Variants in HCN1 observed in about 807,000 individuals in gnomAD.
HCN1 encodes potassium/sodium hyperpolarization-activated cyclic nucleotide-gated channel 1.
A neutral mutation model predicts 78.9 loss-of-function variants in HCN1; 13 were observed. The ratio of observed to expected loss-of-function variants is 0.16; its 90% CI spans 0.11 to 0.26. HCN1 has a LOEUF of 0.26. Ranked by LOEUF, HCN1 falls within the 10% of genes least tolerant of loss-of-function variation. The pLI is 1.00. For missense variants in HCN1, 810 were observed against 1,154.3 expected (o/e 0.70, Z 4.32); for synonymous variants, 552 against 455.5 (o/e 1.21, Z -2.70).
intron 6 of HCN1, among the ~76,000 whole-genome samples, chr5:45,296,599 G>A (rs1246965306): frequency 1.3e-5 from 2 of 151,674 alleles, no homozygotes; most frequent in Admixed American, 6.6e-5. Context: ...AAAGCACAAC[G>A]ACTAAGAATA....
chr5:45,292,602 AT>A (rs1311984684), intron 6 of HCN1, among the ~76,000 whole-genome samples: 2 of 152,004 alleles, frequency 1.3e-5, no homozygotes, highest in Non-Finnish European at 2.9e-5. Context: ...TTAAGTTTAG[AT>A]TGTACTTTAT....
chr5:45,568,446 T>A (rs2111897117), intron 2 of HCN1, among the ~76,000 whole-genome samples: 1 of 152,178 alleles, frequency 6.6e-6, no homozygotes, highest in South Asian at 2.1e-4. Flanking sequence ...ATAGAACTGG[T>A]CCCAGAATAA....
At chr5:45,664,880 A>C (rs536403907) in intron 1 of HCN1, among the ~76,000 whole-genome samples, 17 of 152,012 alleles carry the variant, frequency 1.1e-4, no homozygotes, top group Non-Finnish European at 2.4e-4. Flanking sequence ...CCATTGTGGA[A>C]GTCAGTGTGG....
chr5:45,548,078 A>T (rs533341834), intron 2 of HCN1, among the ~76,000 whole-genome samples: 1 of 151,908 alleles, frequency 6.6e-6, no homozygotes, highest in Non-Finnish European at 1.5e-5. Context: ...AAGTAGTAAA[A>T]TATCATAAGC....
In HCN1 at chr5:45,568,196, T is replaced by C. The variant is rs370992793; in HGVS notation, c.849+76989A>G. 2.0e-5 allele frequency among the ~76,000 whole-genome samples: 3 copies of C among 152,090 alleles called. No homozygotes were observed. The South Asian group carries it at 6.2e-4, about 32-fold the overall frequency. ...GTATTTTCTCTTTCTTGAGCAAATG[T>C]TACGATCATCAGATTAAAAAATCCA... is the stretch of plus-strand genomic sequence containing the variant. On this transcript the variant is annotated intron_variant, in intron 2 of 7. Transcript: ENST00000303230.
At chr5:45,631,746 G>A (rs1561226351) in intron 2 of HCN1, among the ~76,000 whole-genome samples, 1 of 152,068 alleles carries the variant, frequency 6.6e-6, no homozygotes. Context: ...TTGCATGACA[G>A]AGCTATGAGG....
At chr5:45,589,973 A>G (rs1001444580) in intron 2 of HCN1, among the ~76,000 whole-genome samples, 1 of 152,166 alleles carries the variant, frequency 6.6e-6, no homozygotes, top group Non-Finnish European at 1.5e-5. Flanking sequence ...GAAAATGTCA[A>G]TCAGTCATCA....
chr5:45,577,600 T>C (rs1271797925), intron 2 of HCN1, among the ~76,000 whole-genome samples: 2 of 152,050 alleles, frequency 1.3e-5, no homozygotes, highest in Non-Finnish European at 2.9e-5. Context: ...CCTCCAGTCC[T>C]TAAATAATAA....
chr5:45,606,803 C>T (rs1744734778), intron 2 of HCN1, among the ~76,000 whole-genome samples: 1 of 151,814 alleles, frequency 6.6e-6, no homozygotes, highest in Admixed American at 6.6e-5. Flanking sequence ...TCTAAATATG[C>T]ATGTAAAGTT....
Position 45,519,233 on chromosome 5 carries a change from A to G in HCN1, c.850-57226T>C, listed in dbSNP as rs537041126. Among the ~76,000 whole-genome samples the G allele has an allele frequency of 2.0e-5, 3 of 152,058 alleles. No individual in the cohort carries two copies. In the South Asian group the frequency reaches 6.2e-4, roughly 32 times the overall value. On this transcript the variant is annotated intron_variant, in intron 2 of 7. Coordinates refer to ENST00000303230, the MANE Select transcript of HCN1 (RefSeq NM_021072.4). ...TGAGTTTTCTCCTCCTAAGTAATCA[A>G]GATAATGAGAAGATCACAGACCACT...
At chr5:45,683,226 T>A (rs1180680275) in intron 1 of HCN1, among the ~76,000 whole-genome samples, 1 of 152,182 alleles carries the variant, frequency 6.6e-6, no homozygotes, top group African/African-American at 2.4e-5. Context: ...ATTATTTCAG[T>A]AAATCATTTT....
chr5:45,624,854 A>G (rs2112001619), intron 2 of HCN1, among the ~76,000 whole-genome samples: 2 of 152,154 alleles, frequency 1.3e-5, no homozygotes, highest in South Asian at 4.2e-4. Flanking sequence ...CAACTGTGGT[A>G]AGTAATGAGG....
intron 6 of HCN1, among the ~76,000 whole-genome samples, chr5:45,283,513 T>G (rs922661813): frequency 6.6e-6 from 1 of 152,082 alleles, no homozygotes; most frequent in African/African-American, 2.4e-5. Flanking sequence ...AAAGAAGACA[T>G]ACATGCGGCC....
chr5:45,295,178 T>C (rs10462087), intron 6 of HCN1, among the ~76,000 whole-genome samples: 8,576 of 152,000 alleles, frequency 0.056, 358 homozygotes, highest in East Asian at 0.13. Flanking sequence ...CCATTCACCA[T>C]CACTCTCAAT....
intron 2 of HCN1, among the ~76,000 whole-genome samples, chr5:45,529,910 TA>T: frequency 6.6e-6 from 1 of 152,154 alleles, no homozygotes; most frequent in East Asian, 1.9e-4. Context: ...TGATAAATTA[TA>T]GATGTGACAG....
intron 1 of HCN1, among the ~76,000 whole-genome samples, chr5:45,655,775 A>C (rs1349187893): frequency 6.6e-6 from 1 of 152,086 alleles, no homozygotes; most frequent in Non-Finnish European, 1.5e-5. Context: ...TAAACAGAGG[A>C]GCTATGAGAT....
At chr5:45,482,641 G>C (rs570211606) in intron 2 of HCN1, among the ~76,000 whole-genome samples, 1 of 152,010 alleles carries the variant, frequency 6.6e-6, no homozygotes, top group African/African-American at 2.4e-5. Context: ...TAGATACAGG[G>C]GGTACATGTG....
chr5:45,487,384 G>A (rs1275340791), intron 2 of HCN1, among the ~76,000 whole-genome samples: 2 of 152,026 alleles, frequency 1.3e-5, no homozygotes, highest in Non-Finnish European at 2.9e-5. Context: ...TCAATATAAA[G>A]TATATTTTTG....
chr5:45,345,201 G>C (rs1648530108), intron 5 of HCN1, among the ~76,000 whole-genome samples: 1 of 152,154 alleles, frequency 6.6e-6, no homozygotes, highest in Admixed American at 6.5e-5. Context: ...AAACAACTGG[G>C]ATGCAGGGCA....
Sources: allele counts gnomAD v4.1 joint callset (sites outside exome capture counted in the v4.1 genomes callset), GRCh38; gene constraint gnomAD v4.1.1; transcripts MANE v1.5; gene names NCBI Gene and HGNC (gene_info 2026-07-23, HGNC 2026-07-21).